Variants in ENOX1 observed in about 807,000 individuals in gnomAD.
ENOX1 encodes ecto-NOX disulfide-thiol exchanger 1, also known as candidate growth-related and time keeping constitutive hydroquinone (NADH) oxidase.
In ENOX1, 42 loss-of-function variants were observed where a neutral mutation model predicts 82.5. That is an observed-to-expected ratio of 0.51 (90% CI 0.40 to 0.66). The LOEUF (loss-of-function observed/expected upper bound fraction) is 0.66, where lower values mean the gene tolerates loss of function less well. ENOX1 is among the 30% of genes least tolerant of loss of function. The pLI is 0.00. For synonymous variants in ENOX1, 271 were observed against 282.2 expected (o/e 0.96, Z 0.40); for missense variants, 608 against 811.6 (o/e 0.75, Z 3.05).
chr13:43,478,249 T>C (rs1056601798), intron 3 of ENOX1, among the ~76,000 whole-genome samples: 1 of 152,094 alleles, frequency 6.6e-6, no homozygotes, highest in African/African-American at 2.4e-5. Flanking sequence ...GAGGATTAGA[T>C]ATACGCCCAC....
intron 2 of ENOX1, among the ~76,000 whole-genome samples, chr13:43,620,825 CCTAGTG>C (rs1372997482): frequency 6.6e-6 from 1 of 152,092 alleles, no homozygotes; most frequent in Non-Finnish European, 1.5e-5. Context: ...TGATGACCTG[CCTAGTG>C]CTGTCAGTGG....
chr13:43,664,999 C>G (rs946923250), intron 2 of ENOX1, among the ~76,000 whole-genome samples: 1 of 152,200 alleles, frequency 6.6e-6, no homozygotes, highest in South Asian at 2.1e-4. Flanking sequence ...AAATCTCCTG[C>G]GGGGCTGGAA....
At chr13:43,271,916 A>T (rs2044708790) in intron 12 of ENOX1, among the ~76,000 whole-genome samples, 1 of 151,794 alleles carries the variant, frequency 6.6e-6, no homozygotes, top group Non-Finnish European at 1.5e-5. Context: ...ATGTGATATT[A>T]TGTTTCTTAT....
At chr13:43,271,273 C>A (rs766039082) in intron 12 of ENOX1, among the ~76,000 whole-genome samples, 1 of 152,260 alleles carries the variant, frequency 6.6e-6, no homozygotes, top group East Asian at 1.9e-4. Context: ...GTATCTGTAT[C>A]ATCAGACACT....
chr13:43,506,590 T>C (rs1829139683), intron 2 of ENOX1, among the ~76,000 whole-genome samples: 1 of 135,696 alleles, frequency 7.4e-6, no homozygotes, highest in South Asian at 2.3e-4. Flanking sequence ...CCAACCCAAA[T>C]GTCCAACAAC....
At chr13:43,734,027 G>A (rs900917462) in intron 1 of ENOX1, among the ~76,000 whole-genome samples, 2 of 152,092 alleles carry the variant, frequency 1.3e-5, no homozygotes, top group African/African-American at 4.8e-5. Flanking sequence ...TTGTGACAGT[G>A]GAAGCAAAGA....
intron 2 of ENOX1, among the ~76,000 whole-genome samples, chr13:43,567,024 T>C (rs551036030): frequency 1.3e-5 from 2 of 152,076 alleles, no homozygotes; most frequent in South Asian, 4.2e-4. Context: ...CAACAGAAAA[T>C]GTTATTCCAT....
At chr13:43,736,083 C>T (rs2089615028) in intron 1 of ENOX1, among the ~76,000 whole-genome samples, 1 of 152,142 alleles carries the variant, frequency 6.6e-6, no homozygotes, top group South Asian at 2.1e-4. Context: ...AGCTTGGTTG[C>T]AGGGAACATC....
At chr13:43,588,839 T>C (rs1593974394) in intron 2 of ENOX1, among the ~76,000 whole-genome samples, 1 of 152,206 alleles carries the variant, frequency 6.6e-6, no homozygotes, top group East Asian at 1.9e-4. Flanking sequence ...AACAAAATTT[T>C]AAAACCAATG....
At chr13:43,415,421 T>G (rs1190774846) in intron 3 of ENOX1, among the ~76,000 whole-genome samples, 3 of 151,934 alleles carry the variant, frequency 2.0e-5, no homozygotes, top group Non-Finnish European at 4.4e-5. Flanking sequence ...TGTCCCTGGG[T>G]ACTTGAGATT....
chr13:43,548,067 G>T (rs914909485), intron 2 of ENOX1: 1 of 152,108 alleles, frequency 6.6e-6, no homozygotes, highest in African/African-American at 2.4e-5. Context: ...TTGGCCAAAG[G>T]CTCTTCTTTT....
chr13:43,688,319 A>G (rs1164223684), intron 1 of ENOX1, among the ~76,000 whole-genome samples: 1 of 152,186 alleles, frequency 6.6e-6, no homozygotes, highest in Non-Finnish European at 1.5e-5. Flanking sequence ...TTAGGATGCT[A>G]TTTCAGTAGT....
intron 2 of ENOX1, among the ~76,000 whole-genome samples, chr13:43,596,588 T>C (rs1399389037): frequency 1.3e-5 from 2 of 152,222 alleles, no homozygotes; most frequent in African/African-American, 4.8e-5. Flanking sequence ...TAACCTAGCA[T>C]TATTTTTTTC....
intron 5 of ENOX1, among the ~76,000 whole-genome samples, chr13:43,404,626 T>C (rs1041001): frequency 0.2 from 29,936 of 152,186 alleles, 3,596 homozygotes; most frequent in East Asian, 0.52. Context: ...TTTGTATAAT[T>C]ATTTGATAAC....
chr13:43,523,040 A>G (rs11147914), intron 2 of ENOX1, among the ~76,000 whole-genome samples: 52,724 of 151,922 alleles, frequency 0.35, 10,858 homozygotes, highest in East Asian at 0.81. Flanking sequence ...GACTCATTTT[A>G]ATTTCTAAGT....
At chr13:43,780,770 T>C (rs935786329) in intron 1 of ENOX1, among the ~76,000 whole-genome samples, 3 of 152,238 alleles carry the variant, frequency 2.0e-5, no homozygotes, top group Admixed American at 1.3e-4. Context: ...ATCCCTTACA[T>C]CCACAATGGC....
At chr13:43,683,745 C>T (rs575481337) in intron 1 of ENOX1, among the ~76,000 whole-genome samples, 4 of 152,134 alleles carry the variant, frequency 2.6e-5, no homozygotes, top group East Asian at 1.9e-4. Context: ...TTTGTTCTAC[C>T]GTGTAGTTGA....
intron 3 of ENOX1, among the ~76,000 whole-genome samples, chr13:43,463,689 T>C (rs1443000409): frequency 3.9e-5 from 6 of 152,226 alleles, no homozygotes; most frequent in African/African-American, 1.4e-4. Context: ...CTCAATATGT[T>C]GTACACATGC....
intron 2 of ENOX1, chr13:43,545,792 T>C (rs1272351163): frequency 6.6e-6 from 1 of 152,214 alleles, no homozygotes; most frequent in Non-Finnish European, 1.5e-5. Flanking sequence ...GAAGAAGATG[T>C]CTCCTCCAAG....
Sources: gnomAD v4.1 joint callset for allele counts (sites outside exome capture counted in the v4.1 genomes callset) on GRCh38, gnomAD v4.1.1 for gene constraint, MANE v1.5 for transcripts, NCBI Gene and HGNC (gene_info 2026-07-23, HGNC 2026-07-21) for gene names.